CSMD1: variants seen among roughly 807,000 people sequenced by gnomAD.
The protein encoded by CSMD1 is CUB and Sushi multiple domains 1.
Under a neutral mutation model 417.5 loss-of-function variants are expected in CSMD1, and 213 were observed. The observed-to-expected ratio is 0.51, with a 90% CI of 0.46 to 0.57. CSMD1 has a LOEUF of 0.57. CSMD1 is among the 20% of genes least tolerant of loss of function. CSMD1 has a pLI of 0.00. For missense variants in CSMD1, 6,923 were observed against 4,529.7 expected (o/e 1.53, Z -15.17); for synonymous variants, 2,862 against 1,736.8 (o/e 1.65, Z -16.11).
chr8:3,744,254 T>C (rs539730263), intron 6 of CSMD1, among the ~76,000 whole-genome samples: 4 of 152,102 alleles, frequency 2.6e-5, no homozygotes, highest in African/African-American at 9.6e-5. Flanking sequence ...GCATGGGAAG[T>C]TTGGAATACG....
intron 5 of CSMD1, among the ~76,000 whole-genome samples, chr8:3,779,274 G>C (rs1477579864): frequency 1.3e-5 from 2 of 151,922 alleles, no homozygotes; most frequent in African/African-American, 2.4e-5. Flanking sequence ...CTGTTTGCTT[G>C]AGCTTTTATG....
rs199813612 is a variant in CSMD1, at chr8:3,034,571, ATATG to A, written c.7661-5062_7661-5059del. 7.8e-3 allele frequency among the ~76,000 whole-genome samples: 1,186 copies of A among 152,298 alleles called. 16 individuals are homozygous for A. Among genetic ancestry groups the A allele is most frequent in the African/African-American group, 0.025 (1,022 of 41,564 alleles). ...ATAAATATATGTACATATGTAATTT[ATATG>A]TATGTATAAATTTTAATATATACCT... On this transcript the variant is annotated intron_variant, in intron 50 of 69. Coordinates refer to ENST00000635120, the MANE Select transcript of CSMD1 (RefSeq NM_033225.6).
chr8:3,788,904 G>A (rs766311414), intron 5 of CSMD1, among the ~76,000 whole-genome samples: 5 of 152,166 alleles, frequency 3.3e-5, no homozygotes, highest in Non-Finnish European at 7.3e-5. Flanking sequence ...GCTCAGAGGA[G>A]GAAAGGGACT....
intron 6 of CSMD1, among the ~76,000 whole-genome samples, chr8:3,726,957 T>A (rs1209088139): frequency 1.3e-5 from 2 of 152,178 alleles, no homozygotes; most frequent in Non-Finnish European, 2.9e-5. Context: ...CTCTGAAGAA[T>A]TACATTTATG....
intron 1 of CSMD1, among the ~76,000 whole-genome samples, chr8:4,930,767 A>T (rs1182929046): frequency 6.6e-6 from 1 of 152,204 alleles, no homozygotes; most frequent in Non-Finnish European, 1.5e-5. Flanking sequence ...AAAGTGTTAA[A>T]GTACATAAAT....
chr8:3,327,747 T>A (rs1228303327), intron 23 of CSMD1, among the ~76,000 whole-genome samples: 1 of 152,216 alleles, frequency 6.6e-6, no homozygotes, highest in Non-Finnish European at 1.5e-5. Flanking sequence ...AGTGCTTAGT[T>A]TATTTTTTAT....
At chr8:4,904,874 T>C (rs1272559672) in intron 1 of CSMD1, among the ~76,000 whole-genome samples, 1 of 152,186 alleles carries the variant, frequency 6.6e-6, no homozygotes, top group Non-Finnish European at 1.5e-5. Flanking sequence ...TTCGGGACTG[T>C]ATTCATTTAT....
At chr8:4,228,042 C>G (rs1318744497) in intron 3 of CSMD1, among the ~76,000 whole-genome samples, 2 of 151,926 alleles carry the variant, frequency 1.3e-5, no homozygotes, top group East Asian at 1.9e-4. Context: ...AAATCCCACA[C>G]CAGGAAGCAC....
At chr8:3,130,530 C>G (rs1050875872) in intron 41 of CSMD1, among the ~76,000 whole-genome samples, 2 of 152,150 alleles carry the variant, frequency 1.3e-5, no homozygotes, top group African/African-American at 4.8e-5. Flanking sequence ...CACATTGCAC[C>G]TAGAAAACAA....
At chr8:3,397,058 T>G (rs1563345426) in intron 16 of CSMD1, among the ~76,000 whole-genome samples, 1 of 151,662 alleles carries the variant, frequency 6.6e-6, no homozygotes, top group East Asian at 1.9e-4. Flanking sequence ...GCCTGAGATT[T>G]TATATATATA....
At chr8:3,782,818 T>C (rs1405217908) in intron 5 of CSMD1, among the ~76,000 whole-genome samples, 1 of 152,188 alleles carries the variant, frequency 6.6e-6, no homozygotes, top group African/African-American at 2.4e-5. Context: ...AAGAGGTTTT[T>C]CTAGCATGAA....
chr8:4,186,108 C>T (rs1180738046), intron 3 of CSMD1, among the ~76,000 whole-genome samples: 1 of 152,078 alleles, frequency 6.6e-6, no homozygotes, highest in South Asian at 2.1e-4. Context: ...TTGATTGGGC[C>T]ATGCCAGGCT....
chr8:3,994,447 GAAA>G (rs56184992), intron 5 of CSMD1, among the ~76,000 whole-genome samples: 19 of 119,118 alleles, frequency 1.6e-4, no homozygotes, highest in East Asian at 7.0e-4. Context: ...AATCTCTTCA[GAAA>G]AAAAAAAAAA....
chr8:3,721,283 C>A (rs1197805249), intron 6 of CSMD1, among the ~76,000 whole-genome samples: 1 of 152,070 alleles, frequency 6.6e-6, no homozygotes, highest in South Asian at 2.1e-4. Context: ...CCTCAAGGAT[C>A]TGAGATGAGT....
At chr8:3,869,929 C>T (rs1021054059) in intron 5 of CSMD1, among the ~76,000 whole-genome samples, 1 of 151,892 alleles carries the variant, frequency 6.6e-6, no homozygotes, top group African/African-American at 2.4e-5. Context: ...TTTCCTTAAG[C>T]AAAAGAGAGT....
chr8:4,269,914 G>A lies in CSMD1; in HGVS notation c.415+150039C>T, dbSNP rs182514561. Among the ~76,000 whole-genome samples, 17 of 152,296 alleles carry A rather than the reference G, an allele frequency of 1.1e-4. 1 individual carries two copies. Among genetic ancestry groups the A allele is most frequent in the African/African-American group, 3.8e-4 (16 of 41,580 alleles). On this transcript the variant is annotated intron_variant, in intron 3 of 69. Coordinates refer to ENST00000635120, the MANE Select transcript of CSMD1 (RefSeq NM_033225.6). The stretch of plus-strand genomic sequence containing the variant: ...ATTACAGAATTCCATTACAGATGGA[G>A]GAAGAAGGGCGTTCAAGCCAACAGT...
intron 1 of CSMD1, among the ~76,000 whole-genome samples, chr8:4,706,290 C>A (rs1183790323): frequency 6.6e-6 from 1 of 151,968 alleles, no homozygotes; most frequent in Non-Finnish European, 1.5e-5. Context: ...TGTCCATTAC[C>A]TTACATGTAC....
At position 3,021,719 on chromosome 8, in the gene CSMD1, C is replaced by T. The variant is rs1380845244; in HGVS notation, c.7856-3069G>A. Among the ~76,000 whole-genome samples the T allele has an allele frequency of 3.3e-5, 4 of 119,468 alleles. No homozygotes were observed. The East Asian group carries it at 1.3e-3, about 38-fold the overall frequency. 78.4% of individuals were successfully genotyped at this position (119,468 alleles called of 152,430 possible). ...CAATCCCACAGCATCTGGAATGCAC[C>T]TGCAATCCCGCAGCATCTGGAATGC... On this transcript the variant is annotated intron_variant, in intron 51 of 69. Transcript: ENST00000635120.
chr8:4,131,226 G>A (rs569263981), intron 3 of CSMD1, among the ~76,000 whole-genome samples: 111 of 152,212 alleles, frequency 7.3e-4, no homozygotes, highest in African/African-American at 2.6e-3. Context: ...ATAAGTATAC[G>A]GCATGTGGTG....
Sources: allele counts gnomAD v4.1 joint callset (sites outside exome capture counted in the v4.1 genomes callset), GRCh38; gene constraint gnomAD v4.1.1; transcripts MANE v1.5; gene names NCBI Gene and HGNC (gene_info 2026-07-23, HGNC 2026-07-21).